The following PRH1 variants were observed in gnomAD, a reference collection of about 807,000 sequenced individuals.
PRH1 encodes salivary acidic proline-rich phosphoprotein 1/2.
PRH1 carries 7 observed loss-of-function variants against 7.9 expected under a neutral mutation model. The observed-to-expected ratio is 0.89, with a 90% CI of 0.50 to 1.67. PRH1 has a LOEUF of 1.67. PRH1 is among the 40% of genes most tolerant of loss of function. The pLI is 0.00. For synonymous variants in PRH1, 45 were observed against 80.8 expected (o/e 0.56, Z 2.38); for missense variants, 109 against 223.6 (o/e 0.49, Z 3.27).
In PRH1 at chr12:11,086,754, A is replaced by G. The variant is rs1189350574; in HGVS notation, n.124-39566T>C. ...CACGGTGAAACCCTGTCTCCACTAAAAATACAAAAAGTAGCCAGGTGTGGT... is the reference window on the plus strand; with the variant it reads ...CACGGTGAAACCCTGTCTCCACTAAGAATACAAAAAGTAGCCAGGTGTGGT... On this transcript the variant is annotated intron_variant and non_coding_transcript_variant, in intron 1 of 4. Coordinates refer to the PRH1 transcript ENST00000541977. Among the ~76,000 whole-genome samples the G allele has an allele frequency of 1.1e-3, 122 of 115,152 alleles. 32 individuals carry two copies. The highest frequency in any genetic ancestry group is 3.5e-4 in the Non-Finnish European group (17 of 48,814). 75.5% of individuals were successfully genotyped at this position (115,152 alleles called of 152,430 possible).
intron 1 of PRH1, among the ~76,000 whole-genome samples, chr12:10,980,812 T>C (rs1939316722): frequency 6.6e-6 from 1 of 152,148 alleles, no homozygotes; most frequent in Admixed American, 6.5e-5. Flanking sequence ...GGCAGCATCC[T>C]GGAATGCAAA....
At chr12:10,928,358 A>G (rs754363306) in intron 2 of PRH1, among the ~76,000 whole-genome samples, 27 of 152,318 alleles carry the variant, frequency 1.8e-4, no homozygotes, top group Non-Finnish European at 3.1e-4. Context: ...AGTGGTGAAG[A>G]CTACGGTATT....
At chr12:10,929,319 G>A in intron 2 of PRH1, 1 of 1,614,146 alleles carries the variant, frequency 6.2e-7, no homozygotes, top group Non-Finnish European at 8.5e-7. Flanking sequence ...CTTCAGCTCA[G>A]CTCAGGACTT....
intron 1 of PRH1, among the ~76,000 whole-genome samples, chr12:10,999,664 C>A (rs1276064856): frequency 6.6e-6 from 1 of 152,058 alleles, no homozygotes; most frequent in Non-Finnish European, 1.5e-5. Context: ...ACTTTCCAAG[C>A]CCCTAAACCT....
chr12:10,947,818 T>A (rs7301324), intron 2 of PRH1, among the ~76,000 whole-genome samples: 149,644 of 152,230 alleles, frequency 0.98, 73,585 homozygotes, highest in Middle Eastern at 1. Context: ...TGTAAGGCAG[T>A]TCTGGTGATA....
chr12:11,086,646 G>T (rs1423763069), intron 1 of PRH1, among the ~76,000 whole-genome samples: 1 of 143,560 alleles, frequency 7.0e-6, no homozygotes, highest in African/African-American at 2.5e-5. Flanking sequence ...GGGTGCGGTG[G>T]CTCAGGCCTG....
chr12:11,130,486 G>T (rs571849887), intron 1 of PRH1, among the ~76,000 whole-genome samples: 1 of 144,344 alleles, frequency 6.9e-6, no homozygotes, highest in Non-Finnish European at 1.5e-5. Flanking sequence ...ACTCACGAAC[G>T]ATGTTTCTAA....
chr12:11,114,890 T>C (rs1247627281), intron 1 of PRH1, among the ~76,000 whole-genome samples: 5 of 151,966 alleles, frequency 3.3e-5, no homozygotes, highest in Admixed American at 6.6e-5. Flanking sequence ...CCAAAAAGCA[T>C]AGAATGGATA....
At chr12:10,959,496 C>T (rs951991933) in intron 2 of PRH1, among the ~76,000 whole-genome samples, 4 of 152,014 alleles carry the variant, frequency 2.6e-5, no homozygotes, top group Non-Finnish European at 4.4e-5. Context: ...TTATTTTATA[C>T]TGTACACAAA....
intron 1 of PRH1, among the ~76,000 whole-genome samples, chr12:11,014,924 T>A (rs1203163773): frequency 1.3e-5 from 2 of 152,096 alleles, no homozygotes; most frequent in African/African-American, 4.8e-5. Context: ...GGTGATGGCC[T>A]GGCAGTTGTC....
intron 1 of PRH1, chr12:11,077,795 C>A: frequency 8.8e-7 from 1 of 1,140,050 alleles, no homozygotes. Flanking sequence ...ACACTGTCAT[C>A]CATGGTTATC....
chr12:10,910,601 G>T (rs1949883954), intron 2 of PRH1, among the ~76,000 whole-genome samples: 1 of 152,268 alleles, frequency 6.6e-6, no homozygotes, highest in East Asian at 1.9e-4. Flanking sequence ...TGAAACTGCA[G>T]ATAAGCGGGG....
chr12:10,980,133 GA>G (rs1362353923), intron 1 of PRH1, among the ~76,000 whole-genome samples: 1 of 152,032 alleles, frequency 6.6e-6, no homozygotes, highest in African/African-American at 2.4e-5. Context: ...AGAGCCAAAA[GA>G]GAAAGAAAAA....
At chr12:10,989,509 C>T (rs1939821969) in intron 1 of PRH1, among the ~76,000 whole-genome samples, 1 of 152,112 alleles carries the variant, frequency 6.6e-6, no homozygotes, top group Non-Finnish European at 1.5e-5. Context: ...TCTTCACAGA[C>T]ATAGAAAATT....
intron 1 of PRH1, among the ~76,000 whole-genome samples, chr12:11,040,834 T>A (rs1176726884): frequency 1.3e-5 from 2 of 152,210 alleles, no homozygotes; most frequent in Non-Finnish European, 2.9e-5. Flanking sequence ...TGTTTTGTTT[T>A]TGTGCTTGTT....
chr12:10,918,864 A>C (rs1298861221), intron 2 of PRH1, among the ~76,000 whole-genome samples: 1 of 152,100 alleles, frequency 6.6e-6, no homozygotes, highest in African/African-American at 2.4e-5. Context: ...AAAACAGTAA[A>C]AGTATTAAAT....
intron 2 of PRH1, among the ~76,000 whole-genome samples, chr12:10,909,825 A>C (rs1949868921): frequency 6.6e-6 from 1 of 152,300 alleles, no homozygotes; most frequent in East Asian, 1.9e-4. Flanking sequence ...ATTTCAAAAG[A>C]GTGCTCAATT....
At chr12:10,985,033 AG>A (rs888688352) in intron 1 of PRH1, among the ~76,000 whole-genome samples, 1 of 151,936 alleles carries the variant, frequency 6.6e-6, no homozygotes, top group Admixed American at 6.6e-5. Context: ...TATGGAAGAT[AG>A]AGGAGATCAT....
chr12:10,983,374 G>A (rs1298840032), intron 1 of PRH1, among the ~76,000 whole-genome samples: 2 of 152,214 alleles, frequency 1.3e-5, no homozygotes, highest in African/African-American at 2.4e-5. Context: ...GAGCCAATCT[G>A]AGTTGCACAA....
Sources: allele counts gnomAD v4.1 joint callset (sites outside exome capture counted in the v4.1 genomes callset), GRCh38; gene constraint gnomAD v4.1.1; transcripts MANE v1.5; gene names NCBI Gene and HGNC (gene_info 2026-07-23, HGNC 2026-07-21).